Variants in STX17 observed in about 807,000 individuals in gnomAD.
The protein encoded by STX17 is syntaxin-17.
A neutral mutation model predicts 35.9 loss-of-function variants in STX17; 29 were observed. The observed-to-expected ratio is 0.81, with a 90% confidence interval of 0.60 to 1.10. The LOEUF is 1.10. Ranked by LOEUF, STX17 falls within the 50% of genes least tolerant of loss-of-function variation. The pLI, the probability that STX17 is intolerant of heterozygous loss-of-function variation, is 0.00. For missense variants in STX17, 312 were observed against 352.3 expected, an observed-to-expected ratio of 0.89 and a Z score of 0.92; for synonymous variants, 92 against 118.3, an observed-to-expected ratio of 0.78 and a Z score of 1.44.
Position 99,951,210 on chromosome 9 carries a change from G to A in STX17, c.340G>A (p.Glu114Lys). 6.2e-7 allele frequency: 1 copy of A among 1,613,082 alleles called. No individual in the cohort carries two copies. Among genetic ancestry groups the A allele is most frequent in the Non-Finnish European group, 8.5e-7 (1 of 1,179,230 alleles). ...EFLQLHLESV[E>K]ELKKQFNDEE... ...TCTCCAACTCCATTTGGAATCTGTA[G>A]AAGAACTTAAGAAGCAATTTAATGA... Residue 114 changes from glutamate (E) to lysine (K), a missense_variant, in exon 4 of 8, where the codon GAA becomes AAA. Physicochemically the swap from Glu to Lys is moderately conservative, Grantham distance 56 (BLOSUM62 1). Coordinates refer to ENST00000259400, the MANE Select transcript of STX17 (RefSeq NM_017919.3).
At chr9:99,925,467 A>G (rs1042250924) in intron 2 of STX17, among the ~76,000 whole-genome samples, 3 of 151,728 alleles carry the variant, frequency 2.0e-5, no homozygotes, top group Non-Finnish European at 4.4e-5. Context: ...TTTGTGTAGA[A>G]TCCGGTTTCT....
chr9:99,970,262 C>T lies in STX17; in HGVS notation c.*1589C>T, dbSNP rs1829996421. 1 of 152,178 alleles carries T rather than the reference C, an allele frequency of 6.6e-6. No homozygotes were observed. Among genetic ancestry groups the T allele is most frequent in the African/African-American group, 2.4e-5 (1 of 41,440 alleles). The allele number at this position is 152,178 out of a possible 1,614,324, so 9.4% of individuals were successfully genotyped here. On this transcript the variant is annotated 3_prime_UTR_variant, in exon 8 of 8. Coordinates refer to ENST00000259400, the MANE Select transcript of STX17 (RefSeq NM_017919.3). The stretch of plus-strand genomic sequence containing the variant: ...CCCTGTCTAAAGAGACTTTCTCTTT[C>T]ATACGTCTTAAATCTCATCAATGAA...
intron 4 of STX17, among the ~76,000 whole-genome samples, chr9:99,959,237 G>A (rs543418110): frequency 6.6e-6 from 1 of 152,154 alleles, no homozygotes; most frequent in Non-Finnish European, 1.5e-5. Flanking sequence ...AAATGACTGT[G>A]TAGATTAAAA....
intron 2 of STX17, among the ~76,000 whole-genome samples, chr9:99,917,765 G>T (rs1828804115): frequency 6.6e-6 from 1 of 152,150 alleles, no homozygotes; most frequent in South Asian, 2.1e-4. Flanking sequence ...AATTTTCTTT[G>T]TTTCGTATTG....
intron 2 of STX17, among the ~76,000 whole-genome samples, chr9:99,924,702 T>C (rs935251293): frequency 7.9e-5 from 12 of 152,210 alleles, no homozygotes; most frequent in Non-Finnish European, 1.6e-4. Context: ...ATGTAATCTG[T>C]GAAGACAATT....
At chr9:99,951,307 TATTCTC>T (rs1829589371) in intron 4 of STX17, 22 bp downstream of exon 4, 1 of 1,606,902 alleles carries the variant, frequency 6.2e-7, no homozygotes, top group Admixed American at 1.7e-5. Context: ...TGCTAAGTCT[TATTCTC>T]AGTCACAGTA....
At chr9:99,933,258 T>C (rs1829162210) in intron 3 of STX17, among the ~76,000 whole-genome samples, 2 of 152,160 alleles carry the variant, frequency 1.3e-5, no homozygotes, top group Admixed American at 1.3e-4. Context: ...ATGTCTCTGA[T>C]CTTTATATTC....
At chr9:99,938,408 G>T (rs1204872292) in intron 3 of STX17, among the ~76,000 whole-genome samples, 2 of 152,150 alleles carry the variant, frequency 1.3e-5, no homozygotes, top group Non-Finnish European at 1.5e-5. Context: ...AACATTTTGT[G>T]ATCAAAATTT....
Position 99,960,031 on chromosome 9 carries a change from C to T in STX17, c.530C>T (p.Ala177Val), listed in dbSNP as rs755151291. ...GCAGAATCGTGGGAAACCTTAGAAG[C>T]GGTATGTTAAAAAATGTTTTCTTTT... ...NAAESWETLEADLIELSQLVT... is the reference protein window; with the variant it reads ...NAAESWETLEVDLIELSQLVT... Residue 177 changes from alanine to valine, a missense_variant and splice_region_variant, in exon 5 of 8, where the codon GCG becomes GTG. Physicochemically the swap from Ala to Val is moderately conservative, Grantham distance 64. Transcript: ENST00000259400. 4.3e-6 allele frequency: 7 copies of T among 1,613,722 alleles called. No individual in the cohort carries two copies. Among genetic ancestry groups the T allele is most frequent in the African/African-American group, 2.7e-5 (2 of 74,894 alleles).
rs533706842 is a variant in STX17 at position 99,972,895 on chromosome 9, G to A, written c.*4222G>A. ...GGTTTTTTTTGTTATTAAGTAGAACGTGGCTGTGGTTCACAGGTACTTAAC... is the reference window on the plus strand; with the variant it reads ...GGTTTTTTTTGTTATTAAGTAGAACATGGCTGTGGTTCACAGGTACTTAAC... On this transcript the variant is annotated 3_prime_UTR_variant, in exon 8 of 8. Coordinates refer to ENST00000259400, the MANE Select transcript of STX17 (RefSeq NM_017919.3). Among the ~76,000 whole-genome samples, 27 of 152,154 alleles carry A rather than the reference G, an allele frequency of 1.8e-4. No individual in the cohort carries two copies. Among genetic ancestry groups the A allele is most frequent in the Non-Finnish European group, 2.9e-4 (20 of 68,026 alleles).
intron 3 of STX17, among the ~76,000 whole-genome samples, chr9:99,938,261 C>G (rs1339504759): frequency 6.6e-6 from 1 of 152,182 alleles, no homozygotes; most frequent in Non-Finnish European, 1.5e-5. Flanking sequence ...GTGCTGCACT[C>G]TCCTCTCCAG....
At chr9:99,963,526 T>C (rs1829864638) in intron 6 of STX17, among the ~76,000 whole-genome samples, 1 of 152,192 alleles carries the variant, frequency 6.6e-6, no homozygotes, top group African/African-American at 2.4e-5. Flanking sequence ...AACAATGAGC[T>C]TTATAACACT....
In STX17 at chr9:99,968,434, G is replaced by T. The variant is rs1347101383; in HGVS notation, c.670G>T (p.Ala224Ser). The T allele has an allele frequency of 4.0e-6, 6 of 1,517,948 alleles. No individual in the cohort carries two copies. The highest frequency in any genetic ancestry group is 3.5e-6 in the Non-Finnish European group (4 of 1,135,184). 94.0% of individuals were successfully genotyped at this position (1,517,948 alleles called of 1,614,324 possible). The change falls in exon 8 of 8, where the codon GCT becomes TCT. Residue 224 changes from alanine (A) to serine (S), a missense_variant and splice_region_variant. By Grantham distance (99) the Ala-to-Ser change is moderately conservative (BLOSUM62 1). Coordinates refer to ENST00000259400, the MANE Select transcript of STX17 (RefSeq NM_017919.3). Reference protein sequence around the residue: ...VEEGTKNLGKAAKYKLAALPV... With the variant: ...VEEGTKNLGKSAKYKLAALPV... ...AATTGAATTTTTTTTTTTTTTACAG[G>T]CTGCAAAATACAAGCTGGCAGCTCT...
chr9:99,927,319 T>A (rs1222936212), intron 2 of STX17, among the ~76,000 whole-genome samples: 1 of 152,228 alleles, frequency 6.6e-6, no homozygotes, highest in Admixed American at 6.5e-5. Flanking sequence ...CTCAAACTTT[T>A]ATTACTGTTA....
chr9:99,939,721 T>G (rs189835535), intron 3 of STX17, among the ~76,000 whole-genome samples: 9 of 152,336 alleles, frequency 5.9e-5, no homozygotes, highest in Admixed American at 5.9e-4. Flanking sequence ...TCTCCCCTCC[T>G]TCATGAAGCC....
chr9:99,934,352 T>C (rs1385207970), intron 3 of STX17, among the ~76,000 whole-genome samples: 1 of 152,206 alleles, frequency 6.6e-6, no homozygotes, highest in Non-Finnish European at 1.5e-5. Flanking sequence ...CTACACTTAA[T>C]ACCTGTATAA....
At position 99,915,176 on chromosome 9, in the gene STX17, A is replaced by T; in HGVS notation, c.-62-2A>T. 1.3e-6 allele frequency: 2 copies of T among 1,488,338 alleles called. No individual in the cohort carries two copies. Among genetic ancestry groups the T allele is most frequent in the Non-Finnish European group, 8.9e-7 (1 of 1,117,560 alleles). 92.2% of individuals were successfully genotyped at this position (1,488,338 alleles called of 1,614,324 possible). On this transcript the variant is annotated splice_acceptor_variant, in intron 1 of 7. Coordinates refer to ENST00000259400, the MANE Select transcript of STX17 (RefSeq NM_017919.3). LOFTEE classifies it low-confidence loss of function (5UTR_SPLICE). ...ATTCTTAAAGAAATATTTTTCTTTT[A>T]GGTTTTTCTATATGAGTGGAGAAGA... is the stretch of plus-strand genomic sequence containing the variant.
intron 3 of STX17, among the ~76,000 whole-genome samples, chr9:99,937,300 A>C (rs933930487): frequency 6.6e-6 from 1 of 152,162 alleles, no homozygotes; most frequent in South Asian, 2.1e-4. Context: ...TATCGTTTGC[A>C]TCAAATATGG....
chr9:99,930,908 T>TC (rs1272128676), intron 3 of STX17, among the ~76,000 whole-genome samples: 5 of 152,236 alleles, frequency 3.3e-5, no homozygotes, highest in Non-Finnish European at 7.3e-5. Flanking sequence ...TTGAAGGCTT[T>TC]CTATCTTCTT....
Sources: allele counts gnomAD v4.1 joint callset (sites outside exome capture counted in the v4.1 genomes callset), GRCh38; gene constraint gnomAD v4.1.1; transcripts MANE v1.5; gene names NCBI Gene and HGNC (gene_info 2026-07-23, HGNC 2026-07-21).